RPIA: variants seen among roughly 807,000 people sequenced by gnomAD.
RPIA encodes ribose 5-phosphate isomerase A, also known as ribose-5-phosphate isomerase.
In RPIA, 29 loss-of-function variants were observed where a neutral mutation model predicts 37.8. The observed-to-expected ratio is 0.77, with a 90% confidence interval of 0.57 to 1.05. RPIA has a LOEUF of 1.05. RPIA is among the 50% of genes least tolerant of loss of function. RPIA has a pLI of 0.00. For synonymous variants in RPIA, 167 were observed against 157.0 expected, an observed-to-expected ratio of 1.06 and a Z score of -0.48; for missense variants, 385 against 413.6, an observed-to-expected ratio of 0.93 and a Z score of 0.60.
chr2:88,750,774 G>A lies in RPIA; in HGVS notation c.*696G>A. 1 of 398,756 alleles carries A rather than the reference G, an allele frequency of 2.5e-6. No individual in the cohort carries two copies. The allele number at this position is 398,756 out of a possible 1,614,324, so 24.7% of individuals were successfully genotyped here. A position where few individuals can be genotyped will look rare whatever the true frequency, so the allele number is the denominator to read the frequency against. On this transcript the variant is annotated 3_prime_UTR_variant, in exon 9 of 9. Transcript: ENST00000283646. ...TTGCCAGTACTGCCAAAGCACTGCT[G>A]TGAAATGTGAAGTACTTTGTTTTTT...
Position 88,725,247 on chromosome 2 carries a change from G to T in RPIA, c.403-4031G>T, listed in dbSNP as rs541926848. ...GCACCAGAGGCTGCATATGCTCACTGAGCCAGTAGTGGGTCAAAACCCTTA... is the reference window on the plus strand; with the variant it reads ...GCACCAGAGGCTGCATATGCTCACTTAGCCAGTAGTGGGTCAAAACCCTTA... On this transcript the variant is annotated intron_variant, in intron 3 of 8. Transcript: ENST00000283646. Among the ~76,000 whole-genome samples the T allele has an allele frequency of 3.9e-5, 6 of 152,212 alleles. No homozygotes were observed. The South Asian group carries it at 1.2e-3, about 32-fold the overall frequency.
At chr2:88,742,177 A>G (rs1039917329) in intron 8 of RPIA, among the ~76,000 whole-genome samples, 1 of 152,202 alleles carries the variant, frequency 6.6e-6, no homozygotes, top group Admixed American at 6.5e-5. Context: ...TAGAGTTTTT[A>G]TAGTTTCAAG....
intron 3 of RPIA, among the ~76,000 whole-genome samples, chr2:88,716,402 C>T (rs1459818709): frequency 6.6e-6 from 1 of 152,190 alleles, no homozygotes; most frequent in African/African-American, 2.4e-5. Flanking sequence ...GTCACAGGCA[C>T]ATCCTTAACC....
intron 3 of RPIA, among the ~76,000 whole-genome samples, chr2:88,707,866 C>T (rs1474638119): frequency 6.6e-6 from 1 of 152,138 alleles, no homozygotes; most frequent in African/African-American, 2.4e-5. Flanking sequence ...GAAGAACTTC[C>T]TGGATATCTT....
intron 1 of RPIA, among the ~76,000 whole-genome samples, chr2:88,692,854 A>G (rs1441178132): frequency 3.9e-5 from 6 of 152,104 alleles, no homozygotes; most frequent in African/African-American, 7.2e-5. Flanking sequence ...TTACAAAATT[A>G]TTTTGCTTAG....
At chr2:88,719,781 A>G (rs574106050) in intron 3 of RPIA, among the ~76,000 whole-genome samples, 54 of 152,346 alleles carry the variant, frequency 3.5e-4, no homozygotes, top group Non-Finnish European at 5.9e-4. Flanking sequence ...AACATAAGAT[A>G]TAACTTCCAT....
Position 88,749,913 on chromosome 2 carries a change from GC to G in RPIA, c.839-67del, listed in dbSNP as rs1270681233. On this transcript the variant is annotated intron_variant, in intron 8 of 8. Transcript: ENST00000283646. The stretch of plus-strand genomic sequence containing the variant: ...TATGACAGTTGCTTCTAGTGACCCT[GC>G]AGTCTTTGAGTCTCTTTTTGCTTTG... 7.5e-6 allele frequency: 8 copies of G among 1,070,688 alleles called. No homozygotes were observed. In the African/African-American group the frequency reaches 1.2e-4, roughly 17 times the overall value. 66.3% of individuals were successfully genotyped at this position (1,070,688 alleles called of 1,614,324 possible). A position where few individuals can be genotyped will look rare whatever the true frequency, so the allele number is the denominator to read the frequency against.
intron 8 of RPIA, among the ~76,000 whole-genome samples, chr2:88,747,251 C>T (rs572930767): frequency 6.6e-6 from 1 of 152,198 alleles, no homozygotes; most frequent in East Asian, 1.9e-4. Context: ...CAGTGACAGA[C>T]CCCCACCCAG....
chr2:88,722,164 C>T (rs1673141486), intron 3 of RPIA, among the ~76,000 whole-genome samples: 2 of 150,410 alleles, frequency 1.3e-5, no homozygotes, highest in Admixed American at 6.6e-5. Flanking sequence ...CAAAAAAACC[C>T]TTTTTTTTTA....
At chr2:88,715,458 G>A (rs1161971193) in intron 3 of RPIA, among the ~76,000 whole-genome samples, 2 of 152,174 alleles carry the variant, frequency 1.3e-5, no homozygotes, top group Admixed American at 6.5e-5. Context: ...ATTCTTAAAA[G>A]CCCATGACTC....
chr2:88,706,370 G>A (rs1672897247), intron 3 of RPIA, among the ~76,000 whole-genome samples: 1 of 152,134 alleles, frequency 6.6e-6, no homozygotes. Context: ...ATACTATGCA[G>A]CCATAAAAAG....
At chr2:88,742,978 T>C (rs1673401192) in intron 8 of RPIA, among the ~76,000 whole-genome samples, 1 of 152,154 alleles carries the variant, frequency 6.6e-6, no homozygotes, top group Non-Finnish European at 1.5e-5. Context: ...TATATGATCA[T>C]ATTATTAGTG....
chr2:88,705,484 G>T (rs769145414), intron 3 of RPIA, among the ~76,000 whole-genome samples: 4 of 152,196 alleles, frequency 2.6e-5, no homozygotes, highest in Admixed American at 6.5e-5. Context: ...AATAAATGGT[G>T]CCAGGAGAAC....
chr2:88,739,841 C>G (rs1181138786), intron 8 of RPIA, among the ~76,000 whole-genome samples: 1 of 152,170 alleles, frequency 6.6e-6, no homozygotes, highest in Non-Finnish European at 1.5e-5. Flanking sequence ...TGGTCTTGAA[C>G]TGGGCTCAAA....
At chr2:88,705,266 C>T (rs1183382269) in intron 3 of RPIA, among the ~76,000 whole-genome samples, 1 of 152,174 alleles carries the variant, frequency 6.6e-6, no homozygotes, top group African/African-American at 2.4e-5. Flanking sequence ...CAAGACAATC[C>T]TAAGCAAAAA....
rs1553420200 is a variant in RPIA at position 88,713,120 on chromosome 2, A to ATT, written c.402+13071_402+13072dup. Among the ~76,000 whole-genome samples the ATT allele has an allele frequency of 2.6e-3, 170 of 65,278 alleles. 5 individuals are homozygous for ATT. The highest frequency in any genetic ancestry group is 9.3e-3 in the East Asian group (16 of 1,728). The allele number at this position is 65,278 out of a possible 152,430, so 42.8% of individuals were successfully genotyped here. A position where few individuals can be genotyped will look rare whatever the true frequency, so the allele number is the denominator to read the frequency against. On this transcript the variant is annotated intron_variant, in intron 3 of 8. Coordinates refer to ENST00000283646, the MANE Select transcript of RPIA (RefSeq NM_144563.3). ...TCTGAATATATATATATATATATAT[A>ATT]TTTTTTTTTTTTTTTTCAAGCTACG...
chr2:88,699,156 A>T (rs1379082900), intron 2 of RPIA, among the ~76,000 whole-genome samples: 1 of 152,236 alleles, frequency 6.6e-6, no homozygotes, highest in African/African-American at 2.4e-5. Flanking sequence ...CAGGAGGTAA[A>T]GTCCAGGAAC....
intron 1 of RPIA, among the ~76,000 whole-genome samples, chr2:88,692,447 G>C (rs1676949926): frequency 6.6e-6 from 1 of 152,194 alleles, no homozygotes; most frequent in Admixed American, 6.5e-5. Context: ...CTTGGTGCGC[G>C]CCGGCCCCTG....
intron 3 of RPIA, among the ~76,000 whole-genome samples, chr2:88,718,405 CAGATA>C (rs1364415378): frequency 6.6e-6 from 1 of 152,158 alleles, no homozygotes; most frequent in Non-Finnish European, 1.5e-5. Flanking sequence ...GAAGGAATCT[CAGATA>C]AGACTCCTTT....
Sources: gnomAD v4.1 joint callset for allele counts (sites outside exome capture counted in the v4.1 genomes callset) on GRCh38, gnomAD v4.1.1 for gene constraint, MANE v1.5 for transcripts, NCBI Gene and HGNC (gene_info 2026-07-23, HGNC 2026-07-21) for gene names.